The following MLLT1 variants were observed in gnomAD, a reference collection of about 807,000 sequenced individuals.
The protein encoded by MLLT1 is MLLT1 super elongation complex subunit.
Under a neutral mutation model 55.1 loss-of-function variants are expected in MLLT1, and 11 were observed. That is an observed-to-expected ratio of 0.20 (90% CI 0.13 to 0.33). MLLT1 has a LOEUF of 0.33. Ranked by LOEUF, MLLT1 falls within the 10% of genes least tolerant of loss-of-function variation. The pLI is 1.00. For synonymous variants in MLLT1, 323 were observed against 320.1 expected, an observed-to-expected ratio of 1.01 and a Z score of -0.10; for missense variants, 536 against 760.6, an observed-to-expected ratio of 0.70 and a Z score of 3.47.
rs2090785903 is a variant in MLLT1 at position 6,212,448 on chromosome 19, G to A, written c.*594C>T. On this transcript the variant is annotated 3_prime_UTR_variant, in exon 12 of 12. Coordinates refer to ENST00000252674, the MANE Select transcript of MLLT1 (RefSeq NM_005934.4). ...CCACGTGCACTGCTGCCACAGAAAC[G>A]CACATGGACACTGCTCTTGACCAGA... 1.9e-6 allele frequency: 2 copies of A among 1,066,002 alleles called. No homozygotes were observed. Among genetic ancestry groups the A allele is most frequent in the Non-Finnish European group, 2.3e-6 (2 of 879,784 alleles). 66.0% of individuals were successfully genotyped at this position (1,066,002 alleles called of 1,614,324 possible).
chr19:6,238,894 A>G (rs2091088094), intron 3 of MLLT1, among the ~76,000 whole-genome samples: 1 of 152,130 alleles, frequency 6.6e-6, no homozygotes, highest in African/African-American at 2.4e-5. Flanking sequence ...TCAGGCGGCT[A>G]CCTTGGAACT....
chr19:6,247,136 G>A (rs893574546), intron 3 of MLLT1, among the ~76,000 whole-genome samples: 7 of 152,074 alleles, frequency 4.6e-5, no homozygotes, highest in East Asian at 1.9e-4. Flanking sequence ...TCAGAGGAAC[G>A]TACGTTTGTT....
chr19:6,232,193 A>G (rs1307504388), intron 3 of MLLT1, among the ~76,000 whole-genome samples: 1 of 152,114 alleles, frequency 6.6e-6, no homozygotes, highest in Non-Finnish European at 1.5e-5. Flanking sequence ...CTAAGATTGC[A>G]CCACTGCACT....
rs1258733629 is a variant in MLLT1 at position 6,213,526 on chromosome 19, A to C, written c.1480-118T>G. On this transcript the variant is annotated intron_variant, in intron 10 of 11. Coordinates refer to ENST00000252674, the MANE Select transcript of MLLT1 (RefSeq NM_005934.4). ...GCACAGGACAGAGGTAGCCACATCC[A>C]AACCAAGGAAGGCCCAAGGCTGCAG... is the stretch of plus-strand genomic sequence containing the variant. 8 of 1,080,784 alleles carry C rather than the reference A, an allele frequency of 7.4e-6. No homozygotes were observed. The South Asian group carries it at 9.1e-5, about 12-fold the overall frequency. The allele number at this position is 1,080,784 out of a possible 1,614,324, so 66.9% of individuals were successfully genotyped here. A position where few individuals can be genotyped will look rare whatever the true frequency, so the allele number is the denominator to read the frequency against.
chr19:6,271,280 C>T (rs961844454), intron 1 of MLLT1, among the ~76,000 whole-genome samples: 2 of 152,252 alleles, frequency 1.3e-5, no homozygotes, highest in African/African-American at 4.8e-5. Flanking sequence ...GTGTCTCTGC[C>T]ACCTAAGCTT....
intron 3 of MLLT1, among the ~76,000 whole-genome samples, chr19:6,254,826 A>G (rs958514833): frequency 6.6e-6 from 1 of 152,196 alleles, no homozygotes; most frequent in Non-Finnish European, 1.5e-5. Flanking sequence ...CTCCACTGCT[A>G]TTCAACACTG....
At chr19:6,238,012 G>T (rs1158583228) in intron 3 of MLLT1, among the ~76,000 whole-genome samples, 1 of 152,216 alleles carries the variant, frequency 6.6e-6, no homozygotes, top group Non-Finnish European at 1.5e-5. Flanking sequence ...GGCTGAGGCA[G>T]AAGGATCCCT....
At chr19:6,260,421 C>T (rs2091294401) in intron 3 of MLLT1, among the ~76,000 whole-genome samples, 1 of 152,190 alleles carries the variant, frequency 6.6e-6, no homozygotes, top group African/African-American at 2.4e-5. Flanking sequence ...TACAGTGGCA[C>T]CACACAGTAT....
chr19:6,216,419 C>A lies in MLLT1; in HGVS notation c.1293G>T (p.Pro431=). The part of the protein sequence containing the change: ...SGEEAAGKTN[P]GRDSRLSFSD... ...CGGGCCGTCACCTGGAGTCCCTCCCCGGGTTGGTCTTGCCGGCAGCCTCCT... is the reference window on the plus strand; with the variant it reads ...CGGGCCGTCACCTGGAGTCCCTCCCAGGGTTGGTCTTGCCGGCAGCCTCCT... Residue 431 remains proline (P), a synonymous_variant, in exon 8 of 12, where the codon CCG becomes CCT. Coordinates refer to ENST00000252674, the MANE Select transcript of MLLT1 (RefSeq NM_005934.4). The A allele has an allele frequency of 6.2e-7, 1 of 1,607,014 alleles. No homozygotes were observed.
intron 3 of MLLT1, among the ~76,000 whole-genome samples, chr19:6,261,959 T>C (rs1322977059): frequency 6.6e-6 from 1 of 152,140 alleles, no homozygotes; most frequent in African/African-American, 2.4e-5. Context: ...CTGGCACATT[T>C]TCTAGGCAAC....
At position 6,227,218 on chromosome 19, in the gene MLLT1, C is replaced by G; in HGVS notation, c.421-116G>C. The G allele has an allele frequency of 8.9e-7, 1 of 1,123,958 alleles. No individual in the cohort carries two copies. The highest frequency in any genetic ancestry group is 1.7e-5 in the South Asian group (1 of 59,956). 69.6% of individuals were successfully genotyped at this position (1,123,958 alleles called of 1,614,324 possible). A position where few individuals can be genotyped will look rare whatever the true frequency, so the allele number is the denominator to read the frequency against. On this transcript the variant is annotated intron_variant, in intron 4 of 11. Coordinates refer to ENST00000252674, the MANE Select transcript of MLLT1 (RefSeq NM_005934.4). The surrounding 1 kb of genome is among the most constrained non-coding windows in gnomAD (Gnocchi z 5.1). Reference sequence around the variant, plus strand: ...AGGAGGGGAGAAGGGAGAGCCTGAGCGCTTTCCCGAAAGAATCCCAGGTGC... The same window carrying G: ...AGGAGGGGAGAAGGGAGAGCCTGAGGGCTTTCCCGAAAGAATCCCAGGTGC...
chr19:6,218,148 C>T (rs1001859025), intron 6 of MLLT1, 107 bp from the exon 7 acceptor site: 3 of 1,461,592 alleles, frequency 2.1e-6, no homozygotes, highest in East Asian at 2.6e-5. Context: ...GTGGGTCTCC[C>T]CCAGACACCC....
In MLLT1 at chr19:6,216,395, G is replaced by A. The variant is rs1317965144; in HGVS notation, c.1307+10C>T. 8 of 1,591,744 alleles carry A rather than the reference G, an allele frequency of 5.0e-6. No homozygotes were observed. The highest frequency in any genetic ancestry group is 6.8e-6 in the Non-Finnish European group (8 of 1,168,988). On this transcript the variant is annotated intron_variant, in intron 8 of 11. Transcript: ENST00000252674. ...CCGCCTCCGCCCCCTGGCTCCCACC[G>A]GGCCGTCACCTGGAGTCCCTCCCCG...
intron 1 of MLLT1, among the ~76,000 whole-genome samples, chr19:6,279,530 AG>A (rs1189903716): frequency 6.6e-6 from 1 of 151,776 alleles, no homozygotes; most frequent in Non-Finnish European, 1.5e-5. Flanking sequence ...GGGGGTCACC[AG>A]GGGCGTCCCA....
intron 3 of MLLT1, among the ~76,000 whole-genome samples, chr19:6,245,229 C>T: frequency 6.7e-6 from 1 of 149,234 alleles, no homozygotes; most frequent in Non-Finnish European, 1.5e-5. Flanking sequence ...TTCTTTCTTT[C>T]TTTCTTCCAT....
At position 6,231,647 on chromosome 19, in the gene MLLT1, G is replaced by A. The variant is rs370574582; in HGVS notation, c.277-934C>T. On this transcript the variant is annotated intron_variant, in intron 3 of 11. Transcript: ENST00000252674. The surrounding 1 kb of genome is among the most constrained non-coding windows in gnomAD (Gnocchi z 5.1). ...CTCCCAAGCAGCTGGGACTACAGGC[G>A]CCCGCCACCACGTCTGGCTAATTTT... Among the ~76,000 whole-genome samples, 5 of 151,978 alleles carry A rather than the reference G, an allele frequency of 3.3e-5. No homozygotes were observed. Among genetic ancestry groups the A allele is most frequent in the East Asian group, 3.9e-4 (2 of 5,122 alleles).
chr19:6,270,015 G>T lies in MLLT1; in HGVS notation c.193+564C>A, dbSNP rs187351231. ...AGGAGGGCATCCCTGATCATAAACTGGGTGACTTCCTGCCTGTGCCCCGTC... is the reference window on the plus strand; with the variant it reads ...AGGAGGGCATCCCTGATCATAAACTTGGTGACTTCCTGCCTGTGCCCCGTC... On this transcript the variant is annotated intron_variant, in intron 2 of 11. Coordinates refer to ENST00000252674, the MANE Select transcript of MLLT1 (RefSeq NM_005934.4). The surrounding 1 kb of genome is among the most constrained non-coding windows in gnomAD (Gnocchi z 7.1). Among the ~76,000 whole-genome samples, 3 of 152,194 alleles carry T rather than the reference G, an allele frequency of 2.0e-5. No individual in the cohort carries two copies. The highest frequency in any genetic ancestry group is 4.4e-5 in the Non-Finnish European group (3 of 68,006).
chr19:6,271,453 C>T (rs574006514), intron 1 of MLLT1, among the ~76,000 whole-genome samples: 11 of 152,246 alleles, frequency 7.2e-5, no homozygotes, highest in Admixed American at 5.9e-4. Context: ...CCCTGGTGAC[C>T]GGTCCCAGGT....
intron 11 of MLLT1, 37 bp from the exon 12 acceptor site, chr19:6,213,207 G>C (rs2090798377): frequency 1.2e-6 from 2 of 1,613,462 alleles, no homozygotes; most frequent in Non-Finnish European, 1.7e-6. Flanking sequence ...GGGGCAGGGG[G>C]CCAAGGGTGG....
Sources: gnomAD v4.1 joint callset for allele counts (sites outside exome capture counted in the v4.1 genomes callset) on GRCh38, gnomAD v4.1.1 for gene constraint, Gnocchi (gnomAD v3.1) non-coding constraint, MANE v1.5 for transcripts, NCBI Gene and HGNC (gene_info 2026-07-23, HGNC 2026-07-21) for gene names.